Variants in SOD2 observed in about 807,000 individuals in gnomAD.
SOD2 encodes superoxide dismutase 2, also known as superoxide dismutase [Mn], mitochondrial.
Under a neutral mutation model 27.0 loss-of-function variants are expected in SOD2, and 11 were observed. The ratio of observed to expected loss-of-function variants is 0.41; its 90% confidence interval spans 0.26 to 0.67. The LOEUF is 0.67. SOD2 is among the 30% of genes least tolerant of loss of function. SOD2 has a pLI of 0.34. For missense variants in SOD2, 250 were observed against 274.5 expected (o/e 0.91, Z 0.63); for synonymous variants, 105 against 103.0 (o/e 1.02, Z -0.12).
exon 1 of SOD2, chr6:159,762,263 G>A (rs1780155316): frequency 4.5e-6 from 6 of 1,343,144 alleles, no homozygotes; most frequent in African/African-American, 1.5e-5. Flanking sequence ...GCCAAGCCGC[G>A]AGGAGCCGCG....
chr6:159,715,954 T>C (rs560638109), intron 1 of SOD2, among the ~76,000 whole-genome samples: 1 of 152,238 alleles, frequency 6.6e-6, no homozygotes, highest in African/African-American at 2.4e-5. Flanking sequence ...GACCCTTATA[T>C]TTTTATTGTA....
At chr6:159,726,463 G>C (rs1778173772) in intron 1 of SOD2, 1 of 224,104 alleles carries the variant, frequency 4.5e-6, no homozygotes, top group Non-Finnish European at 9.3e-6. Context: ...CTCCTTTGGG[G>C]ATGAACAGGT....
chr6:159,703,224 G>C (rs1777558479), intron 1 of SOD2, among the ~76,000 whole-genome samples: 1 of 152,142 alleles, frequency 6.6e-6, no homozygotes, highest in Non-Finnish European at 1.5e-5. Context: ...TGAGGCAGGA[G>C]AATAGCTTGA....
At chr6:159,758,072 G>C (rs78005690) in intron 1 of SOD2, among the ~76,000 whole-genome samples, 2,439 of 152,230 alleles carry the variant, frequency 0.016, 71 homozygotes, top group African/African-American at 0.056. Flanking sequence ...TCTGGAATTG[G>C]ATGCTTTATT....
chr6:159,718,649 A>C (rs1032086692), intron 1 of SOD2, among the ~76,000 whole-genome samples: 4 of 152,216 alleles, frequency 2.6e-5, no homozygotes, highest in African/African-American at 7.2e-5. Flanking sequence ...AAAATCTTGT[A>C]AGTCAGTATA....
rs1206677454 is a variant in SOD2 at position 159,669,144 on chromosome 6, A to T, written c.*13349T>A. The T allele has an allele frequency of 6.6e-6, 1 of 152,210 alleles. No homozygotes were observed. Among genetic ancestry groups the T allele is most frequent in the Admixed American group, 6.5e-5 (1 of 15,280 alleles). 9.4% of individuals were successfully genotyped at this position (152,210 alleles called of 1,614,324 possible). The stretch of plus-strand genomic sequence containing the variant: ...AAAAAGCTTTCCCCCTACAACTAAT[A>T]AGGTACAAATAAAAGGCGTTCTGTC... On this transcript the variant is annotated 3_prime_UTR_variant, in exon 5 of 5. Transcript: ENST00000538183.
upstream of SOD2, chr6:159,693,255 C>T: frequency 7.7e-6 from 10 of 1,297,420 alleles, no homozygotes; most frequent in Non-Finnish European, 9.5e-6. Context: ...GCTCCTGCGC[C>T]GCCCGCGGGC....
chr6:159,757,021 TAAC>T (rs752927651), intron 1 of SOD2, among the ~76,000 whole-genome samples: 1 of 152,196 alleles, frequency 6.6e-6, no homozygotes, highest in Non-Finnish European at 1.5e-5. Flanking sequence ...TGATTTTTAC[TAAC>T]AACATATCTG....
At chr6:159,707,528 AAGTTCCAGG>A (rs1181102157) in intron 1 of SOD2, among the ~76,000 whole-genome samples, 1 of 152,238 alleles carries the variant, frequency 6.6e-6, no homozygotes, top group African/African-American at 2.4e-5. Context: ...AGAAATGGAT[AAGTTCCAGG>A]ACACATACAC....
intron 1 of SOD2, chr6:159,760,292 G>T (rs962194907): frequency 4.6e-5 from 7 of 152,176 alleles, no homozygotes; most frequent in African/African-American, 1.7e-4. Context: ...ATTTATTTGA[G>T]ACAGTTTCTC....
At chr6:159,706,499 C>A (rs1363113435) in intron 1 of SOD2, among the ~76,000 whole-genome samples, 2 of 152,062 alleles carry the variant, frequency 1.3e-5, no homozygotes, top group Non-Finnish European at 2.9e-5. Context: ...TTTAAACCAA[C>A]AAAGATCAAA....
At chr6:159,732,680 C>T (rs996778338) in intron 1 of SOD2, among the ~76,000 whole-genome samples, 4 of 151,922 alleles carry the variant, frequency 2.6e-5, no homozygotes, top group East Asian at 1.9e-4. Context: ...AAAAATTAGC[C>T]GGGCGTGGTG....
At chr6:159,745,257 T>C (rs1779506742), upstream of SOD2, 1 of 152,240 alleles carries the variant, frequency 6.6e-6, no homozygotes, top group African/African-American at 2.4e-5. Flanking sequence ...ATAGTTGATG[T>C]GTGCACATCA....
At position 159,711,588 on chromosome 6, in the gene SOD2, G is replaced by GACCACCATAACCACCTCCATAACC. The variant is rs1554261331; in HGVS notation, c.-116+15517_-116+15540dup. Among the ~76,000 whole-genome samples, 82 of 31,068 alleles carry GACCACCATAACCACCTCCATAACC rather than the reference G, an allele frequency of 2.6e-3. 2 individuals carry two copies. The highest frequency in any genetic ancestry group is 6.6e-3 in the African/African-American group (38 of 5,794). The allele number at this position is 31,068 out of a possible 152,430, so 20.4% of individuals were successfully genotyped here. Reference sequence around the variant, plus strand: ...CCACAACCACCACTCACACTGCTCTGACCACCATAACCACCTCCATAACCA... The same window carrying GACCACCATAACCACCTCCATAACC: ...CCACAACCACCACTCACACTGCTCTGACCACCATAACCACCTCCATAACCACCACCATAACCACCTCCATAACCA... On this transcript the variant is annotated intron_variant, in intron 1 of 2. Coordinates refer to the SOD2 transcript ENST00000401980.
rs1053420365 is a variant in SOD2, at chr6:159,738,240, C to T, written c.-116+6890G>A. 2.0e-5 allele frequency among the ~76,000 whole-genome samples: 3 copies of T among 152,184 alleles called. No individual in the cohort carries two copies. The East Asian group carries it at 5.8e-4, about 29-fold the overall frequency. Reference sequence around the variant, plus strand: ...TATTCTTTTATAGCCACATCTACCCCGTCCCTCTCCATGCCTGACCCCTGG... The same window carrying T: ...TATTCTTTTATAGCCACATCTACCCTGTCCCTCTCCATGCCTGACCCCTGG... On this transcript the variant is annotated intron_variant, in intron 1 of 3. Transcript: ENST00000537657.
upstream of SOD2, chr6:159,727,373 C>CCGGCAGGAGGCGGGAGGCGGG (rs766462112): frequency 1.9e-5 from 12 of 622,962 alleles, no homozygotes; most frequent in South Asian, 2.4e-4. Context: ...AGCGGGGAGG[C>CCGGCAGGAGGCGGGAGGCGGG]TGGCGGGAGG....
intron 1 of SOD2, among the ~76,000 whole-genome samples, chr6:159,702,849 C>T (rs1562432819): frequency 4.7e-5 from 2 of 42,472 alleles, no homozygotes; most frequent in Admixed American, 8.3e-4. Context: ...GACCCTATCT[C>T]GAAAAAAAAA....
chr6:159,750,072 G>C (rs1779763401), upstream of SOD2, among the ~76,000 whole-genome samples: 1 of 151,784 alleles, frequency 6.6e-6, no homozygotes, highest in African/African-American at 2.4e-5. Flanking sequence ...GGTTGAAGAA[G>C]TGGTTTGTGT....
At chr6:159,749,241 A>C, upstream of SOD2, 1 of 985,836 alleles carries the variant, frequency 1.0e-6, no homozygotes, top group Non-Finnish European at 1.2e-6. Context: ...TAAGGATATT[A>C]GCTGTGATGA....
Sources: allele counts gnomAD v4.1 joint callset (sites outside exome capture counted in the v4.1 genomes callset), GRCh38; gene constraint gnomAD v4.1.1; transcripts MANE v1.5; gene names NCBI Gene and HGNC (gene_info 2026-07-23, HGNC 2026-07-21).